The following RIMS2 variants were observed in gnomAD, a reference collection of about 807,000 sequenced individuals.
The protein encoded by RIMS2 is regulating synaptic membrane exocytosis 2.
In RIMS2, 59 loss-of-function variants were observed where a neutral mutation model predicts 174.4. That is an observed-to-expected ratio of 0.34 (90% confidence interval 0.27 to 0.42). The LOEUF (loss-of-function observed/expected upper bound fraction) is 0.42, where lower values mean the gene tolerates loss of function less well. Among genes scored for constraint, RIMS2 ranks in the 10% least tolerant of loss-of-function variants. The pLI is 1.00. For synonymous variants in RIMS2, 606 were observed against 572.5 expected, an observed-to-expected ratio of 1.06 and a Z score of -0.84; for missense variants, 1,620 against 1,666.3, an observed-to-expected ratio of 0.97 and a Z score of 0.48.
At chr8:104,060,333 T>G (rs376955438) in intron 19 of RIMS2, among the ~76,000 whole-genome samples, 31,998 of 144,986 alleles carry the variant, frequency 0.22, 3,248 homozygotes, top group South Asian at 0.31. Context: ...ATCCATTTCT[T>G]CTAGATTTTC....
At chr8:104,239,665 A>G (rs967879084) in intron 19 of RIMS2, among the ~76,000 whole-genome samples, 1 of 152,200 alleles carries the variant, frequency 6.6e-6, no homozygotes, top group Non-Finnish European at 1.5e-5. Context: ...GGATATTTTA[A>G]TAAGTCTCCT....
intron 3 of RIMS2, among the ~76,000 whole-genome samples, chr8:103,865,749 A>T (rs1668164115): frequency 6.6e-6 from 1 of 152,192 alleles, no homozygotes; most frequent in African/African-American, 2.4e-5. Flanking sequence ...GGTGACAGAA[A>T]TAGAAGATTA....
intron 16 of RIMS2, among the ~76,000 whole-genome samples, chr8:103,984,331 A>G (rs2094177513): frequency 6.6e-6 from 1 of 152,224 alleles, no homozygotes; most frequent in Non-Finnish European, 1.5e-5. Context: ...GCCAGAATGT[A>G]TTAGGAACTC....
intron 19 of RIMS2, among the ~76,000 whole-genome samples, chr8:104,153,167 T>C (rs754990451): frequency 6.6e-6 from 1 of 152,172 alleles, no homozygotes; most frequent in African/African-American, 2.4e-5. Context: ...ATTTGTATGT[T>C]CCATTGCCTG....
At chr8:103,637,968 G>T (rs186666352) in intron 1 of RIMS2, among the ~76,000 whole-genome samples, 9 of 152,020 alleles carry the variant, frequency 5.9e-5, no homozygotes, top group Non-Finnish European at 1.3e-4. Flanking sequence ...TTTTGTAGAC[G>T]TTCCTCAGTT....
intron 19 of RIMS2, among the ~76,000 whole-genome samples, chr8:104,087,420 A>G (rs751979332): frequency 6.6e-6 from 1 of 152,100 alleles, no homozygotes; most frequent in South Asian, 2.1e-4. Flanking sequence ...AGAAGTACAC[A>G]TAATACCACA....
intron 3 of RIMS2, among the ~76,000 whole-genome samples, chr8:103,835,907 A>G (rs1021544491): frequency 6.6e-6 from 1 of 152,252 alleles, no homozygotes; most frequent in South Asian, 2.1e-4. Flanking sequence ...TCTAATGACT[A>G]TTGGTAATGA....
intron 19 of RIMS2, among the ~76,000 whole-genome samples, chr8:104,086,981 A>T (rs1344671816): frequency 6.6e-6 from 1 of 152,146 alleles, no homozygotes; most frequent in Non-Finnish European, 1.5e-5. Context: ...CCATAATGGG[A>T]GTATTTATAT....
intron 19 of RIMS2, among the ~76,000 whole-genome samples, chr8:104,115,634 C>T (rs944373248): frequency 2.6e-5 from 4 of 152,030 alleles, no homozygotes; most frequent in Non-Finnish European, 5.9e-5. Flanking sequence ...ATTTAATTTC[C>T]TGGGACTCCT....
chr8:103,818,326 G>T (rs1279936767), intron 3 of RIMS2, among the ~76,000 whole-genome samples: 1 of 152,126 alleles, frequency 6.6e-6, no homozygotes, highest in Non-Finnish European at 1.5e-5. Flanking sequence ...AAAATACTAA[G>T]CATCTCTGCA....
intron 19 of RIMS2, among the ~76,000 whole-genome samples, chr8:104,163,938 A>G (rs1450245524): frequency 6.6e-6 from 1 of 152,142 alleles, no homozygotes; most frequent in Admixed American, 6.5e-5. Context: ...AAGAATAGGA[A>G]GAATACCACA....
chr8:103,974,852 T>C (rs555592534), intron 15 of RIMS2, among the ~76,000 whole-genome samples: 4 of 152,032 alleles, frequency 2.6e-5, no homozygotes, highest in Non-Finnish European at 4.4e-5. Flanking sequence ...TCTCATTTTT[T>C]AAAAAAAGCA....
chr8:104,093,045 A>G (rs1395312355), intron 19 of RIMS2, among the ~76,000 whole-genome samples: 2 of 152,032 alleles, frequency 1.3e-5, no homozygotes, highest in Non-Finnish European at 2.9e-5. Flanking sequence ...AAAAGAGTTA[A>G]TGGTTTAATA....
chr8:103,819,702 G>A, intron 3 of RIMS2: 1 of 1,226,010 alleles, frequency 8.2e-7, no homozygotes, highest in Non-Finnish European at 1.2e-6. Flanking sequence ...AGTAAAAATT[G>A]TTTTGTATTG....
intron 19 of RIMS2, among the ~76,000 whole-genome samples, chr8:104,120,138 G>T (rs1198984365): frequency 6.6e-6 from 1 of 152,108 alleles, no homozygotes; most frequent in Non-Finnish European, 1.5e-5. Context: ...CACTCATGTA[G>T]AGAGCAAACC....
At chr8:104,146,458 A>G (rs886812106) in intron 19 of RIMS2, among the ~76,000 whole-genome samples, 3 of 152,170 alleles carry the variant, frequency 2.0e-5, no homozygotes, top group Admixed American at 2.0e-4. Context: ...AGAGAAGTGC[A>G]CTTGTTTCAA....
At chr8:104,196,173 C>G (rs2099023271) in intron 19 of RIMS2, among the ~76,000 whole-genome samples, 1 of 152,052 alleles carries the variant, frequency 6.6e-6, no homozygotes, top group Non-Finnish European at 1.5e-5. Flanking sequence ...AACACTTTGT[C>G]TTTTTAACAA....
At chr8:103,562,798 G>A (rs181466530) in intron 1 of RIMS2, among the ~76,000 whole-genome samples, 3 of 152,262 alleles carry the variant, frequency 2.0e-5, no homozygotes, top group African/African-American at 4.8e-5. Context: ...TTCTGCCTGG[G>A]TACTCAGGCA....
chr8:103,973,236 G>T (rs936686348), intron 15 of RIMS2, among the ~76,000 whole-genome samples: 1 of 152,168 alleles, frequency 6.6e-6, no homozygotes, highest in Non-Finnish European at 1.5e-5. Context: ...CTCAACTGTG[G>T]TATTGACACT....
Sources: allele counts gnomAD v4.1 joint callset (sites outside exome capture counted in the v4.1 genomes callset), GRCh38; gene constraint gnomAD v4.1.1; transcripts MANE v1.5; gene names NCBI Gene and HGNC (gene_info 2026-07-23, HGNC 2026-07-21).